STK31: variants seen among roughly 807,000 people sequenced by gnomAD.
The protein encoded by STK31 is serine/threonine kinase 31.
A neutral mutation model predicts 129.7 loss-of-function variants in STK31; 89 were observed. The ratio of observed to expected loss-of-function variants is 0.69; its 90% confidence interval spans 0.58 to 0.82. The LOEUF (loss-of-function observed/expected upper bound fraction) is 0.82. STK31 is among the 40% of genes least tolerant of loss of function. The pLI is 0.00. For synonymous variants in STK31, 448 were observed against 395.3 expected (o/e 1.13, Z -1.58); for missense variants, 1,187 against 1,176.4 (o/e 1.01, Z -0.13).
chr7:23,719,200 G>A (rs1453164114), intron 4 of STK31, among the ~76,000 whole-genome samples: 2 of 151,818 alleles, frequency 1.3e-5, no homozygotes, highest in African/African-American at 4.8e-5. Context: ...CAATGATAAA[G>A]TCACAACTGT....
intron 6 of STK31, 134 bp from the exon 7 acceptor site, chr7:23,735,404 A>G (rs903844266): frequency 6.8e-6 from 5 of 739,526 alleles, no homozygotes; most frequent in Admixed American, 2.7e-5. Flanking sequence ...GCATATTTGC[A>G]TATTATAGCC....
intron 16 of STK31, among the ~76,000 whole-genome samples, chr7:23,783,076 ACT>A (rs1437354722): frequency 1.3e-5 from 2 of 152,118 alleles, no homozygotes; most frequent in African/African-American, 4.8e-5. Flanking sequence ...ATTCGGAGAG[ACT>A]CTGGGGATGC....
At chr7:23,774,314 G>A (rs1483833572) in intron 15 of STK31, among the ~76,000 whole-genome samples, 1 of 152,134 alleles carries the variant, frequency 6.6e-6, no homozygotes, top group South Asian at 2.1e-4. Context: ...GGATGGCTGG[G>A]TCAAATGGTA....
At chr7:23,748,743 A>G (rs1045816903) in intron 8 of STK31, among the ~76,000 whole-genome samples, 1 of 152,220 alleles carries the variant, frequency 6.6e-6, no homozygotes, top group African/African-American at 2.4e-5. Flanking sequence ...TTACTGTGAG[A>G]ATACAGTATA....
intron 4 of STK31, among the ~76,000 whole-genome samples, chr7:23,717,897 G>T (rs1388222696): frequency 6.6e-6 from 1 of 152,144 alleles, no homozygotes; most frequent in Non-Finnish European, 1.5e-5. Context: ...CATAGAGACA[G>T]AAAAAGTGAG....
intron 6 of STK31, among the ~76,000 whole-genome samples, chr7:23,732,873 T>TTG (rs1436229211): frequency 1.3e-5 from 2 of 152,140 alleles, no homozygotes; most frequent in African/African-American, 4.8e-5. Context: ...ATAATAAGAG[T>TTG]TGAAAGCAAG....
At chr7:23,796,433 C>T (rs1562610194) in intron 22 of STK31, among the ~76,000 whole-genome samples, 2 of 151,884 alleles carry the variant, frequency 1.3e-5, no homozygotes, top group Non-Finnish European at 2.9e-5. Flanking sequence ...CACCTATTTC[C>T]TTTAAATGAT....
chr7:23,793,243 T>C (rs1167302702), intron 22 of STK31, among the ~76,000 whole-genome samples: 1 of 152,164 alleles, frequency 6.6e-6, no homozygotes, highest in East Asian at 1.9e-4. Flanking sequence ...TGCACAAAAA[T>C]TAGCTCAAAA....
chr7:23,775,491 C>T (rs996968768), intron 15 of STK31, among the ~76,000 whole-genome samples: 1 of 151,988 alleles, frequency 6.6e-6, no homozygotes, highest in African/African-American at 2.4e-5. Flanking sequence ...TGTTTGTGTC[C>T]TCTCTTATTT....
intron 8 of STK31, among the ~76,000 whole-genome samples, chr7:23,739,876 G>A (rs549977339): frequency 7.9e-5 from 12 of 152,240 alleles, no homozygotes; most frequent in African/African-American, 1.4e-4. Context: ...GGTTACTGTA[G>A]CCTTGTAGTA....
At chr7:23,730,878 A>ATATATATATATATAAATATATTTTTTTTT in intron 6 of STK31, among the ~76,000 whole-genome samples, 1 of 59,554 alleles carries the variant, frequency 1.7e-5, no homozygotes, top group African/African-American at 5.8e-5. Flanking sequence ...ATATATATAT[A>ATATATATATATATAAATATATTTTTTTTT]TTTTTTTTTT....
intron 6 of STK31, among the ~76,000 whole-genome samples, chr7:23,730,874 A>ATTTTTTT (rs1460221456): frequency 5.0e-5 from 3 of 59,726 alleles, no homozygotes; most frequent in Admixed American, 2.7e-4. Context: ...ATATATATAT[A>ATTTTTTT]TATATTTTTT....
At chr7:23,805,719 A>G (rs1300094266) in intron 22 of STK31, among the ~76,000 whole-genome samples, 1 of 152,188 alleles carries the variant, frequency 6.6e-6, no homozygotes, top group East Asian at 1.9e-4. Flanking sequence ...TCCTGGGCTC[A>G]AGCAATTTGT....
Position 23,783,646 on chromosome 7 carries a change from G to T in STK31, c.2131G>T (p.Gly711Ter). 1.2e-6 allele frequency: 2 copies of T among 1,611,256 alleles called. No homozygotes were observed. The highest frequency in any genetic ancestry group is 1.7e-6 in the Non-Finnish European group (2 of 1,179,040). ...GCTGCCTCTGCTTCATCCTGAAATAGGATTACTCAAATACATGGTAAACTT... is the reference window on the plus strand; with the variant it reads ...GCTGCCTCTGCTTCATCCTGAAATATGATTACTCAAATACATGGTAAACTT... ...PELPLLHPEI[G>*]LLKYMNSGGL... The change falls in exon 17 of 24, where the codon GGA becomes TGA. Residue 711 changes from glycine (G) to a stop codon, truncating the protein, a stop_gained. Coordinates refer to ENST00000355870, the MANE Select transcript of STK31 (RefSeq NM_031414.5). LOFTEE classifies it high-confidence loss of function.
intron 22 of STK31, among the ~76,000 whole-genome samples, chr7:23,808,871 C>T (rs998034359): frequency 6.6e-6 from 1 of 151,680 alleles, no homozygotes; most frequent in Non-Finnish European, 1.5e-5. Flanking sequence ...TTACCTATTA[C>T]AGTTTTCTGT....
intron 5 of STK31, among the ~76,000 whole-genome samples, chr7:23,728,521 C>T (rs1787220060): frequency 6.6e-6 from 1 of 152,070 alleles, no homozygotes; most frequent in African/African-American, 2.4e-5. Context: ...ATATGTTTTT[C>T]AGTTGGCTTT....
At chr7:23,719,796 T>C (rs1168061262) in intron 4 of STK31, among the ~76,000 whole-genome samples, 1 of 152,136 alleles carries the variant, frequency 6.6e-6, no homozygotes, top group Non-Finnish European at 1.5e-5. Flanking sequence ...TGTGTGGAAT[T>C]ATTGGAGCTG....
chr7:23,761,545 CG>C, intron 10 of STK31, among the ~76,000 whole-genome samples: 1 of 151,408 alleles, frequency 6.6e-6, no homozygotes, highest in Non-Finnish European at 1.5e-5. Context: ...CTCAGCCTCC[CG>C]AGTTGCTGGG....
intron 8 of STK31, among the ~76,000 whole-genome samples, chr7:23,743,756 A>G (rs891189455): frequency 6.6e-6 from 1 of 152,016 alleles, no homozygotes; most frequent in Admixed American, 6.6e-5. Context: ...TTTCTGTGAC[A>G]TTGAAAATTC....
Sources: allele counts gnomAD v4.1 joint callset (sites outside exome capture counted in the v4.1 genomes callset), GRCh38; gene constraint gnomAD v4.1.1; transcripts MANE v1.5; gene names NCBI Gene and HGNC (gene_info 2026-07-23, HGNC 2026-07-21).